The following DGUOK variants were observed in gnomAD, a reference collection of about 807,000 sequenced individuals.
The protein encoded by DGUOK is deoxyguanosine kinase.
A neutral mutation model predicts 36.6 loss-of-function variants in DGUOK; 30 were observed. The observed-to-expected ratio is 0.82, with a 90% CI of 0.61 to 1.11. The LOEUF (loss-of-function observed/expected upper bound fraction) is 1.11. Ranked by LOEUF, DGUOK falls within the 50% of genes most tolerant of loss-of-function variation. The pLI is 0.00. For synonymous variants in DGUOK, 145 were observed against 126.3 expected, an observed-to-expected ratio of 1.15 and a Z score of -0.99; for missense variants, 361 against 336.4, an observed-to-expected ratio of 1.07 and a Z score of -0.57.
At chr2:73,958,391 T>C (rs2105010649) in intron 6 of DGUOK, 146 bp downstream of exon 6, 2 of 722,614 alleles carry the variant, frequency 2.8e-6, no homozygotes, top group South Asian at 1.5e-5. Flanking sequence ...TGGAATCTTG[T>C]GCAGATTACA....
intron 1 of DGUOK, among the ~76,000 whole-genome samples, chr2:73,933,544 G>C (rs141316230): frequency 1.3e-5 from 2 of 152,314 alleles, no homozygotes; most frequent in African/African-American, 4.8e-5. Context: ...TGTCAGATCA[G>C]TGAGGGTCTT....
intron 3 of DGUOK, among the ~76,000 whole-genome samples, chr2:73,949,461 A>C (rs903287279): frequency 2.0e-5 from 3 of 152,228 alleles, no homozygotes; most frequent in Admixed American, 2.0e-4. Flanking sequence ...TATCTAGAAG[A>C]CTATGTGCCA....
intron 6 of DGUOK, 98 bp downstream of exon 6, chr2:73,958,343 C>T: frequency 1.1e-6 from 1 of 899,826 alleles, no homozygotes; most frequent in South Asian, 1.4e-5. Context: ...GGGTCTTGTG[C>T]TTTGCATCTC....
chr2:73,944,375 A>G (rs1420636889), intron 2 of DGUOK, among the ~76,000 whole-genome samples: 1 of 152,176 alleles, frequency 6.6e-6, no homozygotes. Context: ...TTACTGCATT[A>G]TACAGTCTGC....
At position 73,946,715 on chromosome 2, in the gene DGUOK, C is replaced by G. The variant is rs898075148; in HGVS notation, c.256-4C>G. 5 of 1,613,976 alleles carry G rather than the reference C, an allele frequency of 3.1e-6. No homozygotes were observed. The African/African-American group carries it at 6.7e-5, about 22-fold the overall frequency. On this transcript the variant is annotated splice_region_variant and splice_polypyrimidine_tract_variant and intron_variant, in intron 2 of 6. Transcript: ENST00000264093. ...ATTTTCTTCTTTTTTTCATCTCCCT[C>G]TAGGCCTGCACTGCCCAAAGTCTTG...
In DGUOK at chr2:73,946,902, G is replaced by A. The variant is rs1682379223; in HGVS notation, c.439G>A (p.Asp147Asn). The change falls in exon 3 of 7, where the codon GAC (aspartate) becomes AAC (asparagine). Residue 147 changes from aspartate to asparagine, a missense_variant. Coordinates refer to ENST00000264093, the MANE Select transcript of DGUOK (RefSeq NM_080916.3). ...GATCTTTGAGAGGTCTGTGTACAGT[G>A]ACAGGTAAAATGCCAAGCCCTCCAC... ...VQIFERSVYS[D>N]RYIFAKNLFE... The A allele has an allele frequency of 6.2e-7, 1 of 1,610,864 alleles. No homozygotes were observed. The highest frequency in any genetic ancestry group is 8.5e-7 in the Non-Finnish European group (1 of 1,178,888).
At chr2:73,938,847 T>C in intron 1 of DGUOK, 63 bp from the exon 2 acceptor site, 4 of 1,126,788 alleles carry the variant, frequency 3.5e-6, no homozygotes, top group Non-Finnish European at 4.1e-6. Context: ...CAGAGTTTAG[T>C]AGCAGCCTTC....
Position 73,933,451 on chromosome 2 carries a change from G to A in DGUOK, c.143-5459G>A, listed in dbSNP as rs544970866. ...TAACTCTGCCTAGAGATGAAGTGGCGCTGGAGAGAGTTCAAGGAGGCTTCA... is the reference window on the plus strand; with the variant it reads ...TAACTCTGCCTAGAGATGAAGTGGCACTGGAGAGAGTTCAAGGAGGCTTCA... On this transcript the variant is annotated intron_variant, in intron 1 of 6. Transcript: ENST00000264093. 1.3e-4 allele frequency among the ~76,000 whole-genome samples: 20 copies of A among 152,292 alleles called. No homozygotes were observed. The South Asian group carries it at 2.3e-3, about 17-fold the overall frequency.
intron 1 of DGUOK, among the ~76,000 whole-genome samples, 159 bp from the exon 2 acceptor site, chr2:73,938,751 T>C (rs1312102234): frequency 1.3e-5 from 2 of 152,238 alleles, no homozygotes; most frequent in Non-Finnish European, 2.9e-5. Context: ...CATGAATTGA[T>C]CTGTTATCAG....
chr2:73,928,009 A>G (rs911056273), intron 1 of DGUOK, among the ~76,000 whole-genome samples: 9 of 152,256 alleles, frequency 5.9e-5, no homozygotes, highest in South Asian at 2.1e-4. Context: ...CTCTGCTCTC[A>G]TGGAACTCAA....
chr2:73,928,370 C>T (rs1490957433), intron 1 of DGUOK, among the ~76,000 whole-genome samples: 1 of 152,188 alleles, frequency 6.6e-6, no homozygotes, highest in Admixed American at 6.5e-5. Context: ...TCAGGTGATC[C>T]GCCTGCCTCG....
rs544129089 is a variant in DGUOK, at chr2:73,957,161, G to A, written c.628G>A (p.Glu210Lys). ...GAGACTGTACCAGAGGGCCAGGGAG[G>A]AGGAGAAAGGAATTGAGCTGGCCTA... is the stretch of plus-strand genomic sequence containing the variant. ...LKRLYQRARE[E>K]EKGIELAYLE... Residue 210 changes from glutamate to lysine, a missense_variant, in exon 5 of 7, where the codon GAG becomes AAG. Physicochemically the swap from Glu to Lys is moderately conservative, Grantham distance 56. Coordinates refer to ENST00000264093, the MANE Select transcript of DGUOK (RefSeq NM_080916.3). 6.2e-7 allele frequency: 1 copy of A among 1,614,160 alleles called. No individual in the cohort carries two copies. The highest frequency in any genetic ancestry group is 2.2e-5 in the East Asian group (1 of 44,886).
chr2:73,930,175 G>C (rs1680903282), intron 1 of DGUOK, among the ~76,000 whole-genome samples: 1 of 152,198 alleles, frequency 6.6e-6, no homozygotes, highest in Non-Finnish European at 1.5e-5. Context: ...ACTTGGGAAG[G>C]TCTTTTGGTT....
Position 73,926,881 on chromosome 2 carries a change from GA to G in DGUOK, c.-28del, listed in dbSNP as rs1558636779. On this transcript the variant is annotated 5_prime_UTR_variant, in exon 1 of 7. Coordinates refer to ENST00000264093, the MANE Select transcript of DGUOK (RefSeq NM_080916.3). Reference sequence around the variant, plus strand: ...ACCTAGGGCGGAAGTGCTCTCGGCGGAAGTGATCGCTGTGTGAATCGTGGGT... The same window carrying G: ...ACCTAGGGCGGAAGTGCTCTCGGCGGAGTGATCGCTGTGTGAATCGTGGGT... The G allele has an allele frequency of 6.2e-7, 1 of 1,612,746 alleles. No homozygotes were observed. The highest frequency in any genetic ancestry group is 1.1e-5 in the South Asian group (1 of 91,088).
chr2:73,936,780 T>C (rs1203005804), intron 1 of DGUOK, among the ~76,000 whole-genome samples: 1 of 152,210 alleles, frequency 6.6e-6, no homozygotes, highest in African/African-American at 2.4e-5. Context: ...TAATTTGTTT[T>C]CTACCCTGGA....
chr2:73,958,082 T>C (rs1171451471), intron 5 of DGUOK, 64 bp from the exon 6 acceptor site: 2 of 1,282,474 alleles, frequency 1.6e-6, no homozygotes, highest in East Asian at 4.7e-5. Flanking sequence ...TTGGCGAGTA[T>C]GTGAAACTTG....
At chr2:73,940,335 G>A (rs1465241431) in intron 2 of DGUOK, among the ~76,000 whole-genome samples, 1 of 152,216 alleles carries the variant, frequency 6.6e-6, no homozygotes, top group Non-Finnish European at 1.5e-5. Context: ...GCTACTTGGA[G>A]GTGAACAGGA....
chr2:73,933,831 G>A (rs1018196656), intron 1 of DGUOK, among the ~76,000 whole-genome samples: 1 of 152,114 alleles, frequency 6.6e-6, no homozygotes, highest in African/African-American at 2.4e-5. Context: ...CCTCTGAGTA[G>A]CTACTCCATA....
At chr2:73,954,344 A>G (rs931099125) in intron 4 of DGUOK, among the ~76,000 whole-genome samples, 1 of 151,902 alleles carries the variant, frequency 6.6e-6, no homozygotes, top group Admixed American at 6.6e-5. Flanking sequence ...CCCTGTCTCA[A>G]ATAAATGAAT....
Sources: allele counts gnomAD v4.1 joint callset (sites outside exome capture counted in the v4.1 genomes callset), GRCh38; gene constraint gnomAD v4.1.1; transcripts MANE v1.5; gene names NCBI Gene and HGNC (gene_info 2026-07-23, HGNC 2026-07-21).